Variants in SPAG16 observed in about 807,000 individuals in gnomAD.
SPAG16 encodes the protein sperm-associated antigen 16 protein.
A neutral mutation model predicts 80.4 loss-of-function variants in SPAG16; 86 were observed. The ratio of observed to expected loss-of-function variants is 1.07; its 90% CI spans 0.90 to 1.28. The LOEUF is 1.28. Ranked by LOEUF, SPAG16 falls within the 50% of genes most tolerant of loss-of-function variation. SPAG16 has a pLI of 0.00. For synonymous variants in SPAG16, 294 were observed against 265.9 expected (o/e 1.11, Z -1.03); for missense variants, 870 against 765.3 (o/e 1.14, Z -1.61).
chr2:213,980,574 G>GTATATGTATATATAGAA (rs201910307), intron 12 of SPAG16, among the ~76,000 whole-genome samples: 1 of 107,248 alleles, frequency 9.3e-6, no homozygotes, highest in African/African-American at 3.1e-5. Context: ...TATATAGAGA[G>GTATATGTATATATAGAA]TATATGTATA....
At position 214,235,665 on chromosome 2, in the gene SPAG16, C is replaced by T. The variant is rs544245874; in HGVS notation, c.1720+86399C>T. On this transcript the variant is annotated intron_variant, in intron 15 of 15. Transcript: ENST00000331683. ...GTGGGACAGAAGAATTGTCTGTGGT[C>T]GCCAAGGTTTTTTTTTAACAATTAC... 2.5e-3 allele frequency among the ~76,000 whole-genome samples: 384 copies of T among 152,088 alleles called. 2 individuals are homozygous for T. The highest frequency in any genetic ancestry group is 8.9e-3 in the African/African-American group (371 of 41,516).
intron 13 of SPAG16, among the ~76,000 whole-genome samples, chr2:214,065,495 G>T (rs2050490064): frequency 6.6e-6 from 1 of 151,982 alleles, no homozygotes; most frequent in South Asian, 2.1e-4. Flanking sequence ...AAAGTGGGAA[G>T]AACAAAAGCA....
At chr2:213,429,173 C>T (rs1327995487) in intron 9 of SPAG16, among the ~76,000 whole-genome samples, 1 of 152,000 alleles carries the variant, frequency 6.6e-6, no homozygotes, top group Non-Finnish European at 1.5e-5. Context: ...CTCTGCCTTC[C>T]TGTGCCAACT....
chr2:213,448,107 G>A (rs1008730811), intron 9 of SPAG16, among the ~76,000 whole-genome samples: 7 of 152,178 alleles, frequency 4.6e-5, no homozygotes, highest in Non-Finnish European at 1.0e-4. Flanking sequence ...TCTCAACAGG[G>A]AATTTATCAA....
At chr2:213,604,702 T>G (rs1483637053) in intron 10 of SPAG16, among the ~76,000 whole-genome samples, 1 of 152,022 alleles carries the variant, frequency 6.6e-6, no homozygotes, top group African/African-American at 2.4e-5. Flanking sequence ...ACCTTTCCCT[T>G]CTACAGTTCT....
chr2:214,341,034 A>C (rs1338808598), intron 15 of SPAG16, among the ~76,000 whole-genome samples: 1 of 152,246 alleles, frequency 6.6e-6, no homozygotes, highest in East Asian at 1.9e-4. Context: ...TCTTTTAAAA[A>C]TTTAAGTAAT....
At chr2:214,385,471 G>C (rs1452488804) in intron 15 of SPAG16, among the ~76,000 whole-genome samples, 2 of 152,174 alleles carry the variant, frequency 1.3e-5, no homozygotes, top group Non-Finnish European at 2.9e-5. Flanking sequence ...TCTGACTCTA[G>C]AGCCTATGAT....
At chr2:213,830,447 A>T (rs1001442152) in intron 10 of SPAG16, among the ~76,000 whole-genome samples, 2 of 152,234 alleles carry the variant, frequency 1.3e-5, no homozygotes, top group African/African-American at 4.8e-5. Context: ...GAAATTAAAA[A>T]CAGGTACTGT....
intron 9 of SPAG16, among the ~76,000 whole-genome samples, chr2:213,440,684 G>A (rs1408761967): frequency 6.6e-6 from 1 of 152,112 alleles, no homozygotes; most frequent in Non-Finnish European, 1.5e-5. Context: ...TAAAATAACA[G>A]TACTTTTAAT....
intron 13 of SPAG16, among the ~76,000 whole-genome samples, chr2:214,079,674 A>C (rs911232161): frequency 1.3e-5 from 2 of 152,190 alleles, no homozygotes; most frequent in African/African-American, 4.8e-5. Context: ...ATGAAAGATA[A>C]TGTGGGACCA....
chr2:213,473,079 T>A (rs907191542), intron 9 of SPAG16, among the ~76,000 whole-genome samples: 9 of 152,170 alleles, frequency 5.9e-5, no homozygotes, highest in African/African-American at 2.2e-4. Context: ...ATAATTCAAA[T>A]TCATCTTTTG....
intron 11 of SPAG16, among the ~76,000 whole-genome samples, chr2:213,923,669 C>G (rs2078326316): frequency 6.6e-6 from 1 of 152,132 alleles, no homozygotes; most frequent in Non-Finnish European, 1.5e-5. Context: ...CTGTGCCCTC[C>G]AGCTGAGTTC....
chr2:214,316,104 A>G (rs1469029543), intron 15 of SPAG16, among the ~76,000 whole-genome samples: 2 of 150,028 alleles, frequency 1.3e-5, no homozygotes, highest in African/African-American at 4.9e-5. Flanking sequence ...GCCTTGGGTC[A>G]CTGTGGTGAC....
intron 10 of SPAG16, among the ~76,000 whole-genome samples, chr2:213,666,465 T>G (rs1256111745): frequency 6.6e-6 from 1 of 152,158 alleles, no homozygotes; most frequent in Non-Finnish European, 1.5e-5. Context: ...TGCTTAGTCT[T>G]ATAAAACCTA....
chr2:214,381,339 A>G (rs1244161871), intron 15 of SPAG16, among the ~76,000 whole-genome samples: 1 of 152,230 alleles, frequency 6.6e-6, no homozygotes, highest in Admixed American at 6.5e-5. Context: ...AAGTAACTCT[A>G]AGTATGAAAG....
chr2:213,617,897 C>T (rs2061651535), intron 10 of SPAG16, among the ~76,000 whole-genome samples: 1 of 152,134 alleles, frequency 6.6e-6, no homozygotes, highest in African/African-American at 2.4e-5. Flanking sequence ...TAAGAGGCCT[C>T]AGCTCAGCCT....
chr2:213,580,116 G>A (rs1264598378), intron 10 of SPAG16, among the ~76,000 whole-genome samples: 2 of 151,722 alleles, frequency 1.3e-5, no homozygotes, highest in Admixed American at 1.3e-4. Flanking sequence ...TAGGTCCTAA[G>A]ACCCTTATTC....
At chr2:214,289,339 G>T (rs11890207) in intron 15 of SPAG16, among the ~76,000 whole-genome samples, 1 of 151,968 alleles carries the variant, frequency 6.6e-6, no homozygotes, top group Non-Finnish European at 1.5e-5. Context: ...TGTATTTTCT[G>T]TGTTCTTTTC....
chr2:213,438,908 C>A (rs1397555733), intron 9 of SPAG16, among the ~76,000 whole-genome samples: 2 of 152,204 alleles, frequency 1.3e-5, no homozygotes, highest in African/African-American at 4.8e-5. Flanking sequence ...ATATTGTTAA[C>A]TTTCTGTGGC....
Sources: gnomAD v4.1 joint callset for allele counts (sites outside exome capture counted in the v4.1 genomes callset) on GRCh38, gnomAD v4.1.1 for gene constraint, MANE v1.5 for transcripts, NCBI Gene and HGNC (gene_info 2026-07-23, HGNC 2026-07-21) for gene names.